Variants in BNC2 observed in about 807,000 individuals in gnomAD.
BNC2 encodes zinc finger protein basonuclin-2.
A neutral mutation model predicts 76.3 loss-of-function variants in BNC2; 20 were observed. That is an observed-to-expected ratio of 0.26 (90% CI 0.18 to 0.38). BNC2 has a LOEUF of 0.38. Ranked by LOEUF, BNC2 falls within the 10% of genes least tolerant of loss-of-function variation. The probability of loss-of-function intolerance (pLI) is 1.00; values close to 1 mark genes in which losing one functional copy is unlikely to be tolerated. For synonymous variants in BNC2, 582 were observed against 514.8 expected, an observed-to-expected ratio of 1.13 and a Z score of -1.77; for missense variants, 1,382 against 1,399.8, an observed-to-expected ratio of 0.99 and a Z score of 0.20.
At position 16,428,540 on chromosome 9, in the gene BNC2, C is replaced by T. The variant is rs78336377; in HGVS notation, c.2639+7015G>A. On this transcript the variant is annotated intron_variant, in intron 6 of 6. Coordinates refer to ENST00000380672, the MANE Select transcript of BNC2 (RefSeq NM_017637.6). ...ATGTTTATGTGTAAACACACATATA[C>T]ATTACGTGGATGAATTTAGATTAGA... Among the ~76,000 whole-genome samples the T allele has an allele frequency of 2.3e-3, 352 of 152,308 alleles. 1 individual carries two copies. The highest frequency in any genetic ancestry group is 7.8e-3 in the African/African-American group (323 of 41,552).
At chr9:16,820,837 A>T (rs1312020595) in intron 1 of BNC2, among the ~76,000 whole-genome samples, 1 of 152,028 alleles carries the variant, frequency 6.6e-6, no homozygotes, top group African/African-American at 2.4e-5. Context: ...TTTAAAGTGG[A>T]TTAGTATTCA....
intron 4 of BNC2, among the ~76,000 whole-genome samples, chr9:16,555,625 C>T (rs78826487): frequency 6.6e-6 from 1 of 151,766 alleles, no homozygotes; most frequent in Non-Finnish European, 1.5e-5. Context: ...GAAACTCCCA[C>T]CTCTACAAAA....
At chr9:16,804,849 G>A (rs1817865685) in intron 1 of BNC2, among the ~76,000 whole-genome samples, 1 of 152,054 alleles carries the variant, frequency 6.6e-6, no homozygotes, top group African/African-American at 2.4e-5. Context: ...GGATCACAAG[G>A]TCAGGAGTTT....
intron 3 of BNC2, among the ~76,000 whole-genome samples, chr9:16,619,772 T>C (rs182482804): frequency 7.2e-5 from 11 of 152,284 alleles, no homozygotes; most frequent in Non-Finnish European, 1.2e-4. Flanking sequence ...ATTAACACTT[T>C]CTGTAACACA....
chr9:16,555,040 G>A (rs1469218841), intron 4 of BNC2, among the ~76,000 whole-genome samples: 1 of 137,918 alleles, frequency 7.3e-6, no homozygotes, highest in Admixed American at 6.8e-5. Flanking sequence ...TATTTTTTAA[G>A]ACGGAGTCTC....
At chr9:16,814,508 T>C (rs1443859400) in intron 1 of BNC2, among the ~76,000 whole-genome samples, 1 of 152,208 alleles carries the variant, frequency 6.6e-6, no homozygotes, top group Non-Finnish European at 1.5e-5. Flanking sequence ...TAATTACCCC[T>C]AAATTATCCA....
At chr9:16,600,334 C>T (rs899705284) in intron 3 of BNC2, among the ~76,000 whole-genome samples, 2 of 152,116 alleles carry the variant, frequency 1.3e-5, no homozygotes, top group African/African-American at 4.8e-5. Flanking sequence ...TGATCATATC[C>T]AATAAATGTG....
intron 5 of BNC2, among the ~76,000 whole-genome samples, chr9:16,513,958 G>C (rs1174666828): frequency 6.6e-6 from 1 of 152,148 alleles, no homozygotes; most frequent in African/African-American, 2.4e-5. Context: ...TAGCTTCCGT[G>C]AAGGCCCAAA....
chr9:16,841,526 T>C (rs1818825806), intron 1 of BNC2, among the ~76,000 whole-genome samples: 1 of 52,420 alleles, frequency 1.9e-5, no homozygotes, highest in Admixed American at 2.9e-4. Flanking sequence ...CATCATATCA[T>C]CAAAAGCTAA....
intron 1 of BNC2, among the ~76,000 whole-genome samples, chr9:16,820,721 T>C (rs139909742): frequency 1.3e-4 from 19 of 151,734 alleles, no homozygotes; most frequent in African/African-American, 4.1e-4. Flanking sequence ...CAAATAGAGA[T>C]CATGTTATAT....
intron 3 of BNC2, among the ~76,000 whole-genome samples, chr9:16,595,824 C>A (rs1039891036): frequency 5.9e-5 from 9 of 151,900 alleles, no homozygotes; most frequent in Non-Finnish European, 1.3e-4. Context: ...AAGCAAGAGA[C>A]CTATGTAATG....
At chr9:16,482,894 G>T (rs1204595658) in intron 5 of BNC2, among the ~76,000 whole-genome samples, 3 of 152,160 alleles carry the variant, frequency 2.0e-5, no homozygotes, top group Non-Finnish European at 4.4e-5. Flanking sequence ...GCTTTCCGTG[G>T]CCAGCCCATC....
At chr9:16,473,301 A>G (rs537949571) in intron 5 of BNC2, 147 of 152,344 alleles carry the variant, frequency 9.6e-4, no homozygotes, top group Non-Finnish European at 9.7e-4. Flanking sequence ...AGGGGATCCT[A>G]CTTTTTTCCC....
rs762283607 is a variant in BNC2 at position 16,832,829 on chromosome 9, G to A, written c.3+37817C>T. 5.9e-5 allele frequency among the ~76,000 whole-genome samples: 9 copies of A among 151,930 alleles called. No homozygotes were observed. In the South Asian group the frequency reaches 6.2e-4, roughly 11 times the overall value. On this transcript the variant is annotated intron_variant, in intron 1 of 6. Transcript: ENST00000380672. Reference sequence around the variant, plus strand: ...CAACCCCCGCCCACTGGGTTCAAGCGATTCTCCTGCCTCAGCCTGCCGAGT... The same window carrying A: ...CAACCCCCGCCCACTGGGTTCAAGCAATTCTCCTGCCTCAGCCTGCCGAGT...
chr9:16,737,540 G>A (rs1318845019), intron 2 of BNC2, among the ~76,000 whole-genome samples: 3 of 110,322 alleles, frequency 2.7e-5, no homozygotes, highest in Admixed American at 1.1e-4. Flanking sequence ...GTGAGCCACC[G>A]TGCCTGGCTT....
At chr9:16,530,709 T>TGGCTGTGTGGGCACAACTTACAACAAA (rs1162532324) in intron 5 of BNC2, among the ~76,000 whole-genome samples, 1 of 152,182 alleles carries the variant, frequency 6.6e-6, no homozygotes, top group African/African-American at 2.4e-5. Flanking sequence ...CAAACCATGG[T>TGGCTGTGTGGGCACAACTTACAACAAA]ATATGTTGTA....
rs113705597 is a variant in BNC2, at chr9:16,626,678, AACACAC to A, written c.331-43599_331-43594del. ...CCTAGCCTACGAAACGTAAAAGGCA[AACACAC>A]ACACACACACACACACCCTGTATTC... On this transcript the variant is annotated intron_variant, in intron 3 of 6. Transcript: ENST00000380672. Among the ~76,000 whole-genome samples the A allele has an allele frequency of 6.6e-3, 991 of 149,860 alleles. 9 individuals carry two copies. Among genetic ancestry groups the A allele is most frequent in the African/African-American group, 0.022 (905 of 40,966 alleles).
intron 3 of BNC2, among the ~76,000 whole-genome samples, chr9:16,710,112 C>A (rs1199457739): frequency 8.2e-6 from 1 of 121,264 alleles, no homozygotes; most frequent in Non-Finnish European, 2.0e-5. Flanking sequence ...TGATGGGCAA[C>A]GTTCAACATT....
intron 1 of BNC2, among the ~76,000 whole-genome samples, chr9:16,784,830 A>G (rs769483071): frequency 4.6e-5 from 7 of 152,236 alleles, no homozygotes; most frequent in Non-Finnish European, 1.0e-4. Context: ...CTGCGGAGCA[A>G]TAATAATGAG....
Sources: gnomAD v4.1 joint callset for allele counts (sites outside exome capture counted in the v4.1 genomes callset) on GRCh38, gnomAD v4.1.1 for gene constraint, MANE v1.5 for transcripts, NCBI Gene and HGNC (gene_info 2026-07-23, HGNC 2026-07-21) for gene names.